DYNC1LI2: variants seen among roughly 807,000 people sequenced by gnomAD.
The protein encoded by DYNC1LI2 is cytoplasmic dynein 1 light intermediate chain 2.
A neutral mutation model predicts 57.8 loss-of-function variants in DYNC1LI2; 19 were observed. That is an observed-to-expected ratio of 0.33 (90% CI 0.23 to 0.48). The LOEUF (loss-of-function observed/expected upper bound fraction) is 0.48. Ranked by LOEUF, DYNC1LI2 falls within the 20% of genes least tolerant of loss-of-function variation. The pLI, the probability that DYNC1LI2 is intolerant of heterozygous loss-of-function variation, is 0.99. For synonymous variants in DYNC1LI2, 256 were observed against 233.4 expected, an observed-to-expected ratio of 1.10 and a Z score of -0.88; for missense variants, 470 against 604.2, an observed-to-expected ratio of 0.78 and a Z score of 2.33.
chr16:66,745,920 TAAAAC>T (rs2017928166), intron 3 of DYNC1LI2, among the ~76,000 whole-genome samples: 1 of 150,736 alleles, frequency 6.6e-6, no homozygotes, highest in South Asian at 2.1e-4. Context: ...AGAAAAAAAA[TAAAAC>T]AAAACAAACA....
chr16:66,742,449 A>G lies in DYNC1LI2; in HGVS notation c.518T>C (p.Leu173Pro). Residue 173 changes from leucine to proline, a missense_variant, in exon 4 of 13, where the codon CTG becomes CCG. Physicochemically the swap from Leu to Pro is moderately conservative, Grantham distance 98 (BLOSUM62 -3). Coordinates refer to ENST00000258198, the MANE Select transcript of DYNC1LI2 (RefSeq NM_006141.3). ...MKIPPEKMRELERKFVKDFQD... is the reference protein window; with the variant it reads ...MKIPPEKMREPERKFVKDFQD... ...TATATTTTACTCACACTTCCGTTCC[A>G]GCTCCCTCATTTTTTCTGGTGGAAT... 1 of 1,613,706 alleles carries G rather than the reference A, an allele frequency of 6.2e-7. No homozygotes were observed. The highest frequency in any genetic ancestry group is 8.5e-7 in the Non-Finnish European group (1 of 1,179,650).
At position 66,734,239 on chromosome 16, in the gene DYNC1LI2, G is replaced by T. The variant is rs1407446412; in HGVS notation, c.772C>A (p.Leu258Met). 6.2e-7 allele frequency: 1 copy of T among 1,614,140 alleles called. No individual in the cohort carries two copies. Among genetic ancestry groups the T allele is most frequent in the Admixed American group, 1.7e-5 (1 of 60,024 alleles). The change falls in exon 6 of 13, where the codon CTG becomes ATG. Residue 258 changes from leucine (L) to methionine (M), a missense_variant. Coordinates refer to ENST00000258198, the MANE Select transcript of DYNC1LI2 (RefSeq NM_006141.3). Reference protein sequence around the residue: ...DEHLDFIQSHLRRFCLQYGAA... With the variant: ...DEHLDFIQSHMRRFCLQYGAA... The stretch of plus-strand genomic sequence containing the variant: ...ATACACTGAAGGCAGAACCTCCGCA[G>T]GTGTGACTGGATAAAGTCCAAATGC...
At chr16:66,732,656 A>AAAAT (rs1429852772) in intron 6 of DYNC1LI2, 182 bp from the exon 7 acceptor site, 8 of 457,632 alleles carry the variant, frequency 1.7e-5, no homozygotes, top group African/African-American at 8.0e-5. Flanking sequence ...CACACTGGTA[A>AAAAT]AAATAAATAA....
chr16:66,735,582 C>A (rs1411025685), intron 5 of DYNC1LI2, among the ~76,000 whole-genome samples: 1 of 152,086 alleles, frequency 6.6e-6, no homozygotes, highest in Non-Finnish European at 1.5e-5. Flanking sequence ...TCTCGGCTCA[C>A]TGCAAGCTCC....
rs1258664480 is a variant in DYNC1LI2 at position 66,745,660 on chromosome 16, T to C, written c.299-2992A>G. Among the ~76,000 whole-genome samples the C allele has an allele frequency of 3.3e-5, 5 of 151,786 alleles. No homozygotes were observed. The East Asian group carries it at 9.8e-4, about 30-fold the overall frequency. On this transcript the variant is annotated intron_variant, in intron 3 of 12. Coordinates refer to ENST00000258198, the MANE Select transcript of DYNC1LI2 (RefSeq NM_006141.3). The stretch of plus-strand genomic sequence containing the variant: ...GGCTCACGCCTGTAATCCCAGCACT[T>C]TGGGAGTCTGAGGCGGGTGGATCAC...
chr16:66,748,561 TTTCTTTCA>T (rs1212754352), intron 3 of DYNC1LI2, among the ~76,000 whole-genome samples: 1 of 133,446 alleles, frequency 7.5e-6, no homozygotes, highest in Non-Finnish European at 1.7e-5. Context: ...AAAATGGGCA[TTTCTTTCA>T]TTCTTTCTTT....
chr16:66,741,752 C>T (rs2144998173), intron 4 of DYNC1LI2, among the ~76,000 whole-genome samples: 1 of 151,594 alleles, frequency 6.6e-6, no homozygotes, highest in East Asian at 1.9e-4. Context: ...GATGTAACTG[C>T]ACAGAAGCAA....
chr16:66,732,506 C>A, intron 6 of DYNC1LI2, 32 bp from the exon 7 acceptor site: 1 of 1,595,938 alleles, frequency 6.3e-7, no homozygotes, highest in Non-Finnish European at 8.5e-7. Flanking sequence ...AATCAATTCA[C>A]TGCAGGAGGA....
intron 2 of DYNC1LI2, among the ~76,000 whole-genome samples, 158 bp from the exon 3 acceptor site, chr16:66,749,471 T>C (rs1164486060): frequency 6.6e-6 from 1 of 151,472 alleles, no homozygotes; most frequent in South Asian, 2.1e-4. Flanking sequence ...GCTGGAAGAG[T>C]GGTTGGGAGG....
intron 7 of DYNC1LI2, chr16:66,731,500 T>C (rs2017636588): frequency 6.6e-6 from 1 of 152,326 alleles, no homozygotes; most frequent in East Asian, 1.9e-4. Context: ...GCCTGGGATC[T>C]ACCATTTGTC....
At chr16:66,750,145 A>C (rs2018016080) in intron 2 of DYNC1LI2, among the ~76,000 whole-genome samples, 1 of 152,264 alleles carries the variant, frequency 6.6e-6, no homozygotes, top group South Asian at 2.1e-4. Context: ...GTACCTGCTC[A>C]TTTTGAGCTA....
chr16:66,728,196 C>G lies in DYNC1LI2; in HGVS notation c.1143+5G>C. The G allele has an allele frequency of 6.2e-7, 1 of 1,614,116 alleles. No homozygotes were observed. The highest frequency in any genetic ancestry group is 8.5e-7 in the Non-Finnish European group (1 of 1,180,016). ...TTGACCCTCTGTTTAGTGTAAGGTACTCACAGAAGCTCTCGTGGGAGTGGC... is the reference window on the plus strand; with the variant it reads ...TTGACCCTCTGTTTAGTGTAAGGTAGTCACAGAAGCTCTCGTGGGAGTGGC... On this transcript the variant is annotated splice_donor_5th_base_variant and intron_variant, in intron 10 of 12. Coordinates refer to ENST00000258198, the MANE Select transcript of DYNC1LI2 (RefSeq NM_006141.3).
In DYNC1LI2 at chr16:66,723,266, T is replaced by TGTCTC; in HGVS notation, c.*451_*455dup. 2.2e-6 allele frequency: 1 copy of TGTCTC among 447,216 alleles called. No homozygotes were observed. The highest frequency in any genetic ancestry group is 4.5e-6 in the Non-Finnish European group (1 of 220,106). The allele number at this position is 447,216 out of a possible 1,614,324, so 27.7% of individuals were successfully genotyped here. On this transcript the variant is annotated 3_prime_UTR_variant, in exon 13 of 13. Coordinates refer to ENST00000258198, the MANE Select transcript of DYNC1LI2 (RefSeq NM_006141.3). The stretch of plus-strand genomic sequence containing the variant: ...AACATTCAGCTTCCCCACCATCACT[T>TGTCTC]GTCTCATTACTCCTTCTGGTCTTTC...
At position 66,742,338 on chromosome 16, in the gene DYNC1LI2, C is replaced by A. The variant is rs568067538; in HGVS notation, c.529+100G>T. 3.2e-4 allele frequency: 395 copies of A among 1,241,472 alleles called. 1 individual carries two copies. The highest frequency in any genetic ancestry group is 4.2e-4 in the Non-Finnish European group (376 of 901,020). 76.9% of individuals were successfully genotyped at this position (1,241,472 alleles called of 1,614,324 possible). A position where few individuals can be genotyped will look rare whatever the true frequency, so the allele number is the denominator to read the frequency against. ...AAATGGTGCAAACAAAACAAAACCA[C>A]GAAGCAAGGGAAGCCTCTAGGATTG... On this transcript the variant is annotated intron_variant, in intron 4 of 12. Coordinates refer to ENST00000258198, the MANE Select transcript of DYNC1LI2 (RefSeq NM_006141.3).
In DYNC1LI2 at chr16:66,736,229, T is replaced by C. The variant is rs770185457; in HGVS notation, c.545A>G (p.Gln182Arg). The C allele has an allele frequency of 6.2e-7, 1 of 1,612,490 alleles. No homozygotes were observed. The highest frequency in any genetic ancestry group is 8.5e-7 in the Non-Finnish European group (1 of 1,179,048). Residue 182 changes from glutamine to arginine, a missense_variant, in exon 5 of 13, where the codon CAA becomes CGA. By Grantham distance (43) the Gln-to-Arg change is conservative. Coordinates refer to ENST00000258198, the MANE Select transcript of DYNC1LI2 (RefSeq NM_006141.3). ...ELERKFVKDF[Q>R]DYMEPEEGCQ... is the part of the protein sequence containing the mutation. Reference sequence around the variant, plus strand: ...ACCTTCTTCAGGTTCCATATAGTCTTGAAAATCTTTCACAACTGGGGGAAA... The same window carrying C: ...ACCTTCTTCAGGTTCCATATAGTCTCGAAAATCTTTCACAACTGGGGGAAA...
At chr16:66,742,913 C>T (rs1421519304) in intron 3 of DYNC1LI2, among the ~76,000 whole-genome samples, 1 of 152,172 alleles carries the variant, frequency 6.6e-6, no homozygotes, top group Non-Finnish European at 1.5e-5. Context: ...AATCTCAACA[C>T]TTTGAGAGGC....
rs369722699 is a variant in DYNC1LI2 at position 66,723,704 on chromosome 16, T to C, written c.*18A>G. 2.2e-3 allele frequency: 3,574 copies of C among 1,593,152 alleles called. 8 individuals carry two copies. Among genetic ancestry groups the C allele is most frequent in the Non-Finnish European group, 2.5e-3 (2,912 of 1,173,716 alleles). ...CATAGTTATTTGGTCATTCGACATA[T>C]GCACTTTTTAAGGAGGTTCAGGCTT... On this transcript the variant is annotated 3_prime_UTR_variant, in exon 13 of 13. Transcript: ENST00000258198.
intron 3 of DYNC1LI2, among the ~76,000 whole-genome samples, chr16:66,745,498 G>A (rs531968965): frequency 5.3e-4 from 79 of 149,112 alleles, no homozygotes; most frequent in Non-Finnish European, 9.5e-4. Context: ...GGCTGGTCCC[G>A]AACTCCTGGG....
In DYNC1LI2 at chr16:66,730,146, T is replaced by C. The variant is rs750133866; in HGVS notation, c.1007A>G (p.Tyr336Cys). The C allele has an allele frequency of 5.6e-6, 9 of 1,614,102 alleles. No homozygotes were observed. Among genetic ancestry groups the C allele is most frequent in the Non-Finnish European group, 6.8e-6 (8 of 1,179,998 alleles). The change falls in exon 8 of 13, where the codon TAT (tyrosine) becomes TGT (cysteine). Residue 336 changes from tyrosine to cysteine, a missense_variant. Tyr to Cys is a radical substitution (Grantham distance 194, BLOSUM62 -2). Transcript: ENST00000258198. ...GGGAGGTTTCACAATAAAGTCTTCATATGCATCTTCCGGCTTCACGGTTGT... is the reference window on the plus strand; with the variant it reads ...GGGAGGTTTCACAATAAAGTCTTCACATGCATCTTCCGGCTTCACGGTTGT... ...NFTTVKPEDAYEDFIVKPPVR... is the reference protein window; with the variant it reads ...NFTTVKPEDACEDFIVKPPVR...
Sources: allele counts gnomAD v4.1 joint callset (sites outside exome capture counted in the v4.1 genomes callset), GRCh38; gene constraint gnomAD v4.1.1; transcripts MANE v1.5; gene names NCBI Gene and HGNC (gene_info 2026-07-23, HGNC 2026-07-21).